Variants in RIOK3 observed in about 807,000 individuals in gnomAD.
The protein encoded by RIOK3 is RIO kinase 3.
In RIOK3, 40 loss-of-function variants were observed where a neutral mutation model predicts 63.5. The observed-to-expected ratio is 0.63, with a 90% CI of 0.49 to 0.82. The LOEUF is 0.82. RIOK3 is among the 40% of genes least tolerant of loss of function. The pLI, the probability that RIOK3 is intolerant of heterozygous loss-of-function variation, is 0.00. For missense variants in RIOK3, 557 were observed against 637.0 expected (o/e 0.87, Z 1.35); for synonymous variants, 193 against 205.0 (o/e 0.94, Z 0.50).
intron 7 of RIOK3, among the ~76,000 whole-genome samples, chr18:23,468,801 G>A (rs1186231646): frequency 2.0e-5 from 3 of 152,196 alleles, no homozygotes; most frequent in African/African-American, 7.2e-5. Flanking sequence ...AGCCAAAACA[G>A]CATCCATTTA....
At chr18:23,467,675 T>C (rs2047682) in intron 7 of RIOK3, 149 bp downstream of exon 7, 82,174 of 609,424 alleles carry the variant, frequency 0.13, 9,262 homozygotes, top group East Asian at 0.38. Context: ...AGTATAGGAA[T>C]GTATAAAAAA....
intron 1 of RIOK3, among the ~76,000 whole-genome samples, chr18:23,461,230 T>G (rs890532510): frequency 2.0e-5 from 3 of 152,234 alleles, no homozygotes; most frequent in Non-Finnish European, 2.9e-5. Context: ...TGGCTGAACT[T>G]GATCAAATAA....
rs1269810204 is a variant in RIOK3 at position 23,453,311 on chromosome 18, C to T, written c.-129C>T. ...CAGTTCCGGACGCGGCCGCCGCCGT[C>T]GCCGCCATCTGTCACCTCCACTCCG... On this transcript the variant is annotated 5_prime_UTR_variant, in exon 1 of 13. Transcript: ENST00000339486. 5 of 766,924 alleles carry T rather than the reference C, an allele frequency of 6.5e-6. No individual in the cohort carries two copies. The highest frequency in any genetic ancestry group is 1.5e-5 in the South Asian group (1 of 67,606). The allele number at this position is 766,924 out of a possible 1,614,324, so 47.5% of individuals were successfully genotyped here.
intron 7 of RIOK3, 55 bp from the exon 8 acceptor site, chr18:23,473,371 ATTG>A (rs2057468370): frequency 2.0e-6 from 2 of 996,408 alleles, no homozygotes; most frequent in East Asian, 2.5e-5. Context: ...TTATTTTGAA[ATTG>A]TTGTACTTGT....
chr18:23,467,424 G>GT lies in RIOK3; in HGVS notation c.716dup (p.Leu239PhefsTer5), dbSNP rs767501732. The GT allele has an allele frequency of 9.3e-6, 15 of 1,612,486 alleles. No individual in the cohort carries two copies. The highest frequency in any genetic ancestry group is 1.3e-5 in the Non-Finnish European group (15 of 1,179,030). Reference sequence around the variant, plus strand: ...GAAAAAGCAGTTGATCCTAAGACACGTTTACTTATGTATAAAATGGTCAAC... The same window carrying GT: ...GAAAAAGCAGTTGATCCTAAGACACGTTTTACTTATGTATAAAATGGTCAAC... On this transcript the variant is annotated frameshift_variant, in exon 7 of 13. Transcript: ENST00000339486. LOFTEE classifies it high-confidence loss of function.
intron 7 of RIOK3, among the ~76,000 whole-genome samples, chr18:23,469,411 CCTCT>C (rs1380705543): frequency 9.2e-4 from 74 of 80,252 alleles, no homozygotes; most frequent in East Asian, 6.4e-3. Flanking sequence ...TCCCCTCTCT[CCTCT>C]CTCTCTCTCT....
At chr18:23,460,907 T>C in intron 1 of RIOK3, among the ~76,000 whole-genome samples, 1 of 152,212 alleles carries the variant, frequency 6.6e-6, no homozygotes, top group Non-Finnish European at 1.5e-5. Flanking sequence ...CACCAGACTT[T>C]CAGGAAGCCT....
At chr18:23,479,172 A>C in intron 11 of RIOK3, 145 bp from the exon 12 acceptor site, 1 of 547,386 alleles carries the variant, frequency 1.8e-6, no homozygotes, top group East Asian at 2.9e-5. Flanking sequence ...TCTGCCTTTG[A>C]GTTGAAATTA....
At position 23,480,555 on chromosome 18, in the gene RIOK3, G is replaced by GCACACACACACACACACA. The variant is rs59552026; in HGVS notation, c.1453-598_1453-581dup. Among the ~76,000 whole-genome samples the GCACACACACACACACACA allele has an allele frequency of 5.4e-3, 768 of 142,064 alleles. 8 individuals are homozygous for GCACACACACACACACACA. Among genetic ancestry groups the GCACACACACACACACACA allele is most frequent in the African/African-American group, 9.1e-3 (342 of 37,504 alleles). The allele number at this position is 142,064 out of a possible 152,430, so 93.2% of individuals were successfully genotyped here. A position where few individuals can be genotyped will look rare whatever the true frequency, so the allele number is the denominator to read the frequency against. ...ACTATTTGTGTATACTTGGATGCAC[G>GCACACACACACACACACA]CACACACACACACACACACACACAC... On this transcript the variant is annotated intron_variant, in intron 12 of 12. Coordinates refer to ENST00000339486, the MANE Select transcript of RIOK3 (RefSeq NM_003831.5).
intron 7 of RIOK3, among the ~76,000 whole-genome samples, chr18:23,469,119 T>G (rs1441058952): frequency 6.6e-6 from 1 of 152,210 alleles, no homozygotes; most frequent in Non-Finnish European, 1.5e-5. Flanking sequence ...CTCTCCAGTC[T>G]GCTAAGACTG....
chr18:23,477,352 C>T (rs1286005202), intron 11 of RIOK3, 84 bp downstream of exon 11: 1 of 1,030,882 alleles, frequency 9.7e-7, no homozygotes, highest in Admixed American at 1.7e-5. Context: ...AGTAAGAGGA[C>T]CATATTCTTA....
chr18:23,475,198 G>C, intron 9 of RIOK3, 91 bp downstream of exon 9: 1 of 994,866 alleles, frequency 1.0e-6, no homozygotes, highest in Non-Finnish European at 1.5e-6. Flanking sequence ...AGCCAGGCAT[G>C]TTGGCTCACA....
chr18:23,455,616 C>T (rs2057335135), intron 1 of RIOK3, among the ~76,000 whole-genome samples: 1 of 151,846 alleles, frequency 6.6e-6, no homozygotes, highest in Admixed American at 6.6e-5. Flanking sequence ...TGGTCTCGAT[C>T]TCCTGACCTC....
rs1001659438 is a variant in RIOK3, at chr18:23,482,820, A to G, written c.*1541A>G. 4 of 152,312 alleles carry G rather than the reference A, an allele frequency of 2.6e-5. No homozygotes were observed. The highest frequency in any genetic ancestry group is 4.4e-5 in the Non-Finnish European group (3 of 68,028). 9.4% of individuals were successfully genotyped at this position (152,312 alleles called of 1,614,324 possible). On this transcript the variant is annotated 3_prime_UTR_variant, in exon 13 of 13. Transcript: ENST00000339486. ...TTAACATTATTTTAAAATGCCAAAT[A>G]TGTTCTTTCTAGAAAAATATTTATT...
intron 7 of RIOK3, among the ~76,000 whole-genome samples, chr18:23,469,381 TCCCTCCC>T (rs200204487): frequency 0.49 from 5,344 of 10,862 alleles, 2,056 homozygotes; most frequent in South Asian, 0.71. Context: ...CTCCCTCCCC[TCCCTCCC>T]CTCTCTCCTC....
At chr18:23,462,904 A>G in intron 1 of RIOK3, 60 bp from the exon 2 acceptor site, 7 of 724,208 alleles carry the variant, frequency 9.7e-6, no homozygotes, top group Non-Finnish European at 1.5e-5. Context: ...TTATTTGTAA[A>G]ATGAGAGGTA....
chr18:23,479,183 C>CCG (rs141374184), intron 11 of RIOK3, 134 bp from the exon 12 acceptor site: 2 of 524,242 alleles, frequency 3.8e-6, no homozygotes, highest in Non-Finnish European at 7.0e-6. Context: ...GTTGAAATTA[C>CCG]TGTGTGTGTG....
intron 2 of RIOK3, 151 bp from the exon 3 acceptor site, chr18:23,463,816 G>A: frequency 1.5e-6 from 1 of 648,038 alleles, no homozygotes; most frequent in Non-Finnish European, 2.6e-6. Context: ...TTGGTCTTAA[G>A]GCTAGCTGTG....
intron 7 of RIOK3, among the ~76,000 whole-genome samples, chr18:23,469,984 A>G (rs1245215077): frequency 6.6e-6 from 1 of 152,244 alleles, no homozygotes; most frequent in Non-Finnish European, 1.5e-5. Flanking sequence ...TAGAGTACCC[A>G]GTTATGCAAA....
Sources: gnomAD v4.1 joint callset for allele counts (sites outside exome capture counted in the v4.1 genomes callset) on GRCh38, gnomAD v4.1.1 for gene constraint, MANE v1.5 for transcripts, NCBI Gene and HGNC (gene_info 2026-07-23, HGNC 2026-07-21) for gene names.